The following RANBP2 variants were observed in gnomAD, a reference collection of about 807,000 sequenced individuals.
RANBP2 encodes the protein RAN binding protein 2.
In RANBP2, 57 loss-of-function variants were observed where a neutral mutation model predicts 303.6. That is an observed-to-expected ratio of 0.19 (90% CI 0.15 to 0.23). The LOEUF (loss-of-function observed/expected upper bound fraction) is 0.23, where lower values mean the gene tolerates loss of function less well. RANBP2 is among the 10% of genes least tolerant of loss of function. The pLI is 1.00. For missense variants in RANBP2, 3,138 were observed against 3,780.8 expected (o/e 0.83, Z 4.46); for synonymous variants, 1,167 against 1,301.5 (o/e 0.90, Z 2.23).
chr2:109,152,051 T>A, the RANBP2 span, among the ~76,000 whole-genome samples: 1 of 152,242 alleles, frequency 6.6e-6, no homozygotes, highest in Non-Finnish European at 1.5e-5. Context: ...CTCTGACAAG[T>A]CTCATCAGCA....
rs1573858784 is a variant in RANBP2 at position 108,782,610 on chromosome 2, A to G, written c.9117A>G (p.Glu3039=). The G allele has an allele frequency of 6.2e-7, 1 of 1,614,116 alleles. No homozygotes were observed. The highest frequency in any genetic ancestry group is 1.7e-5 in the Admixed American group (1 of 60,008). ...ATTGTTTCAAGAAAACATTTGAAGA[A>G]TGTCAGCAGAATTTAATGAAACTCC... The part of the protein sequence containing the change: ...VADCFKKTFE[E]CQQNLMKLQK... Residue 3039 remains glutamate, a synonymous_variant, in exon 28 of 29, where the codon GAA becomes GAG. Coordinates refer to ENST00000283195, the MANE Select transcript of RANBP2 (RefSeq NM_006267.5).
At chr2:109,148,572 A>G in the RANBP2 span, among the ~76,000 whole-genome samples, 2 of 152,216 alleles carry the variant, frequency 1.3e-5, no homozygotes, top group African/African-American at 4.8e-5. Context: ...GATGAGTAAT[A>G]GACCCCATTA....
chr2:108,930,139 G>A, the RANBP2 span: 40 of 1,613,754 alleles, frequency 2.5e-5, no homozygotes, highest in African/African-American at 2.5e-4. Context: ...CTCCTCTCCC[G>A]GCCCACACGG....
chr2:109,129,865 C>T, the RANBP2 span: 4 of 1,525,596 alleles, frequency 2.6e-6, no homozygotes, highest in Non-Finnish European at 3.5e-6. Flanking sequence ...GGACGAACTG[C>T]CCGCCAACAT....
the RANBP2 span, among the ~76,000 whole-genome samples, chr2:109,651,552 C>T: frequency 9.8e-5 from 15 of 152,296 alleles, no homozygotes; most frequent in African/African-American, 3.6e-4. Context: ...TCAAGGGTGG[C>T]CCTGAAGAAC....
chr2:108,834,071 G>A, the RANBP2 span, among the ~76,000 whole-genome samples: 2 of 151,062 alleles, frequency 1.3e-5, no homozygotes, highest in Admixed American at 6.6e-5. Context: ...TTTTGCAGTA[G>A]ATCGAATAAT....
At chr2:109,354,197 T>C in the RANBP2 span, among the ~76,000 whole-genome samples, 1 of 152,334 alleles carries the variant, frequency 6.6e-6, no homozygotes. Flanking sequence ...CAGAGTGGGT[T>C]GGGCCCTGTG....
At chr2:109,497,607 C>G in the RANBP2 span, among the ~76,000 whole-genome samples, 26 of 152,290 alleles carry the variant, frequency 1.7e-4, no homozygotes, top group Admixed American at 1.6e-3. Flanking sequence ...GCTGCTGACA[C>G]GGACACGACA....
the RANBP2 span, among the ~76,000 whole-genome samples, chr2:109,072,160 G>T: frequency 1.6e-4 from 24 of 152,308 alleles, no homozygotes; most frequent in African/African-American, 4.8e-4. Context: ...GGCTTATGTG[G>T]GATGTAGTGA....
At chr2:109,653,343 C>T in the RANBP2 span, among the ~76,000 whole-genome samples, 4 of 151,252 alleles carry the variant, frequency 2.6e-5, no homozygotes, top group Non-Finnish European at 4.4e-5. Flanking sequence ...TGGAGTGAGC[C>T]GAGTTCGCGG....
chr2:108,762,277 A>T (rs1676785130), intron 19 of RANBP2, 82 bp downstream of exon 19: 6 of 1,360,386 alleles, frequency 4.4e-6, no homozygotes, highest in East Asian at 5.1e-5. Flanking sequence ...TCAAGAGAGC[A>T]GTTCACTATT....
chr2:109,146,713 C>A, the RANBP2 span, among the ~76,000 whole-genome samples: 1 of 152,058 alleles, frequency 6.6e-6, no homozygotes, highest in East Asian at 1.9e-4. Flanking sequence ...GATTGGGGGG[C>A]CCCATAGAGT....
chr2:109,122,086 G>A, the RANBP2 span, among the ~76,000 whole-genome samples: 1 of 152,178 alleles, frequency 6.6e-6, no homozygotes, highest in African/African-American at 2.4e-5. Context: ...TGGGAGAGAG[G>A]GATCAAGTCA....
the RANBP2 span, among the ~76,000 whole-genome samples, chr2:108,841,620 C>A: frequency 6.6e-6 from 1 of 151,698 alleles, no homozygotes; most frequent in Non-Finnish European, 1.5e-5. Context: ...TTTCTTTTGA[C>A]CTGCTTATAT....
intron 3 of RANBP2, 115 bp from the exon 4 acceptor site, chr2:108,731,207 A>G: frequency 3.4e-6 from 5 of 1,456,846 alleles, no homozygotes; most frequent in Non-Finnish European, 4.6e-6. Flanking sequence ...CTCTAGAAGT[A>G]GAATTTTTTA....
the RANBP2 span, among the ~76,000 whole-genome samples, chr2:109,694,879 A>T: frequency 6.6e-6 from 1 of 151,120 alleles, no homozygotes. Context: ...TTATTTCTTC[A>T]AAGACTTTTC....
At chr2:108,940,109 T>C in the RANBP2 span, 4 of 152,240 alleles carry the variant, frequency 2.6e-5, no homozygotes, top group Non-Finnish European at 5.9e-5. Flanking sequence ...AGTTGAAGAA[T>C]ATGAACCATT....
chr2:108,917,666 G>A, the RANBP2 span, among the ~76,000 whole-genome samples: 10 of 152,106 alleles, frequency 6.6e-5, no homozygotes, highest in Non-Finnish European at 1.5e-4. Context: ...AACGGGAGGC[G>A]GTGGGCCTTG....
the RANBP2 span, among the ~76,000 whole-genome samples, chr2:109,569,843 T>C: frequency 6.8e-6 from 1 of 147,348 alleles, no homozygotes; most frequent in African/African-American, 2.6e-5. Flanking sequence ...TTGTCACCAA[T>C]GGCGTAAGAG....
Sources: gnomAD v4.1 joint callset for allele counts (sites outside exome capture counted in the v4.1 genomes callset) on GRCh38, gnomAD v4.1.1 for gene constraint, MANE v1.5 for transcripts, NCBI Gene and HGNC (gene_info 2026-07-23, HGNC 2026-07-21) for gene names.